The following GAS2L3 variants were observed in gnomAD, a reference collection of about 807,000 sequenced individuals.
The protein encoded by GAS2L3 is GAS2-like protein 3.
GAS2L3 carries 28 observed loss-of-function variants against 37.0 expected under a neutral mutation model. That is an observed-to-expected ratio of 0.76 (90% CI 0.56 to 1.04). The LOEUF is 1.04. GAS2L3 is among the 50% of genes least tolerant of loss of function. GAS2L3 has a pLI of 0.00. For missense variants in GAS2L3, 793 were observed against 817.6 expected (o/e 0.97, Z 0.37); for synonymous variants, 290 against 296.6 (o/e 0.98, Z 0.23).
intron 5 of GAS2L3, among the ~76,000 whole-genome samples, chr12:100,606,468 G>A (rs762962847): frequency 6.6e-6 from 1 of 151,924 alleles, no homozygotes; most frequent in Non-Finnish European, 1.5e-5. Flanking sequence ...TTTTTGATTG[G>A]AGAATTTACT....
chr12:100,622,458 G>T lies in GAS2L3; in HGVS notation c.756+76G>T, dbSNP rs1956267671. The stretch of plus-strand genomic sequence containing the variant: ...GGATTTATTGCTTTACTAACCTTTT[G>T]CTCTCCTTTTACTTTTAAAAACATT... On this transcript the variant is annotated intron_variant, in intron 9 of 9. Transcript: ENST00000547754. 7.0e-6 allele frequency: 5 copies of T among 717,990 alleles called. No homozygotes were observed. In the East Asian group the frequency reaches 1.1e-4, roughly 15 times the overall value. 44.5% of individuals were successfully genotyped at this position (717,990 alleles called of 1,614,324 possible).
Position 100,617,819 on chromosome 12 carries a change from A to G in GAS2L3, c.509+12A>G. The G allele has an allele frequency of 6.7e-7, 1 of 1,488,174 alleles. No individual in the cohort carries two copies. Among genetic ancestry groups the G allele is most frequent in the African/African-American group, 1.4e-5 (1 of 72,468 alleles). 92.2% of individuals were successfully genotyped at this position (1,488,174 alleles called of 1,614,324 possible). A position where few individuals can be genotyped will look rare whatever the true frequency, so the allele number is the denominator to read the frequency against. On this transcript the variant is annotated intron_variant, in intron 7 of 9. Transcript: ENST00000547754. Reference sequence around the variant, plus strand: ...CGAATTGTGTCAAGGTATGTATTCCACAATATTTCAGAATTTCAATGTTAT... The same window carrying G: ...CGAATTGTGTCAAGGTATGTATTCCGCAATATTTCAGAATTTCAATGTTAT...
At position 100,577,636 on chromosome 12, in the gene GAS2L3, ACT is replaced by A. The variant is rs1955654126; in HGVS notation, c.-152+3854_-152+3855del. ...AGGAGTAATTCTAGTACTAATTTTAACTCTGATTTCATAGTGACATAGAAGAA... is the reference window on the plus strand; with the variant it reads ...AGGAGTAATTCTAGTACTAATTTTAACTGATTTCATAGTGACATAGAAGAA... On this transcript the variant is annotated intron_variant, in intron 1 of 9. Coordinates refer to ENST00000547754, the MANE Select transcript of GAS2L3 (RefSeq NM_174942.3). 2.0e-5 allele frequency among the ~76,000 whole-genome samples: 3 copies of A among 152,208 alleles called. No homozygotes were observed. In the South Asian group the frequency reaches 6.2e-4, roughly 32 times the overall value.
At chr12:100,574,017 C>T (rs553725814) in intron 1 of GAS2L3, 2 of 152,456 alleles carry the variant, frequency 1.3e-5, no homozygotes, top group African/African-American at 4.8e-5. Context: ...TTGCGCCTGC[C>T]TTCACCTGTC....
chr12:100,618,608 C>T, intron 8 of GAS2L3, 21 bp downstream of exon 8: 1 of 1,596,002 alleles, frequency 6.3e-7, no homozygotes, highest in Non-Finnish European at 8.5e-7. Flanking sequence ...GCCACACTTT[C>T]TTTTGACCAT....
intron 1 of GAS2L3, chr12:100,578,923 G>C: frequency 1.1e-6 from 1 of 910,046 alleles, no homozygotes. Flanking sequence ...CTCAGTGCCT[G>C]ATTGGAAGAG....
chr12:100,621,270 A>G (rs545664015), intron 8 of GAS2L3, among the ~76,000 whole-genome samples: 230 of 152,196 alleles, frequency 1.5e-3, no homozygotes, highest in African/African-American at 5.4e-3. Flanking sequence ...CAAAAATGTA[A>G]TTTTAGGAAA....
intron 1 of GAS2L3, chr12:100,580,191 C>A: frequency 1.4e-6 from 1 of 706,552 alleles, no homozygotes; most frequent in Non-Finnish European, 2.6e-6. Context: ...TATCTAAAAC[C>A]AGGTAGAAGA....
In GAS2L3 at chr12:100,627,088, CAAAAA is replaced by C. The variant is rs566899740; in HGVS notation, c.*2209_*2213del. On this transcript the variant is annotated 3_prime_UTR_variant, in exon 10 of 10. Coordinates refer to ENST00000547754, the MANE Select transcript of GAS2L3 (RefSeq NM_174942.3). ...TGGGCAACAGAGTGAGACTCTGTCTCAAAAAAAAAAAAAAAGAAAAAGAAAAGAAA... is the reference window on the plus strand; with the variant it reads ...TGGGCAACAGAGTGAGACTCTGTCTCAAAAAAAAAAGAAAAAGAAAAGAAA... 1.2e-5 allele frequency among the ~76,000 whole-genome samples: 1 copy of C among 81,608 alleles called. No individual in the cohort carries two copies. The highest frequency in any genetic ancestry group is 2.6e-5 in the Non-Finnish European group (1 of 38,264). 53.5% of individuals were successfully genotyped at this position (81,608 alleles called of 152,430 possible). A position where few individuals can be genotyped will look rare whatever the true frequency, so the allele number is the denominator to read the frequency against.
At chr12:100,614,837 G>T (rs568655960) in intron 6 of GAS2L3, among the ~76,000 whole-genome samples, 1 of 152,318 alleles carries the variant, frequency 6.6e-6, no homozygotes, top group East Asian at 1.9e-4. Flanking sequence ...GTTGTAGCAT[G>T]TAACAGTACT....
At position 100,617,795 on chromosome 12, in the gene GAS2L3, G is replaced by A. The variant is rs769519509; in HGVS notation, c.497G>A (p.Arg166Gln). The A allele has an allele frequency of 6.3e-6, 10 of 1,594,180 alleles. No individual in the cohort carries two copies. The highest frequency in any genetic ancestry group is 2.2e-5 in the East Asian group (1 of 44,626). ...TATCTTTGTCTTCTTGAAATTGGTC[G>A]AATTGTGTCAAGGTATGTATTCCAC... ...QVYLCLLEIG[R>Q]IVSRYGVEPP... Residue 166 changes from arginine to glutamine, a missense_variant, in exon 7 of 10, where the codon CGA becomes CAA. Coordinates refer to ENST00000547754, the MANE Select transcript of GAS2L3 (RefSeq NM_174942.3).
chr12:100,622,749 TAAAAAAAAAAAAAAAAAAAA>T, intron 9 of GAS2L3, among the ~76,000 whole-genome samples: 2 of 26,840 alleles, frequency 7.5e-5, no homozygotes, highest in South Asian at 2.9e-3. Flanking sequence ...GTATCCATAG[TAAAAAAAAAAAAAAAAAAAA>T]AAAAAAAAAA....
intron 1 of GAS2L3, 100 bp downstream of exon 1, chr12:100,573,885 T>C (rs1955601949): frequency 6.6e-6 from 1 of 152,266 alleles, no homozygotes; most frequent in African/African-American, 2.4e-5. Context: ...AGCCCCCCGC[T>C]CTCTGAGGCC....
intron 5 of GAS2L3, among the ~76,000 whole-genome samples, chr12:100,607,605 C>T (rs1395783902): frequency 6.6e-6 from 1 of 151,886 alleles, no homozygotes; most frequent in Non-Finnish European, 1.5e-5. Context: ...AGGTGTGCTT[C>T]GTTGTTTTTT....
chr12:100,588,864 T>C (rs1012999207), intron 1 of GAS2L3, among the ~76,000 whole-genome samples: 3 of 152,208 alleles, frequency 2.0e-5, no homozygotes, highest in African/African-American at 7.2e-5. Context: ...AAGAAAAATA[T>C]GGCTCTTTTT....
At chr12:100,614,842 A>G (rs1215635706) in intron 6 of GAS2L3, among the ~76,000 whole-genome samples, 1 of 152,236 alleles carries the variant, frequency 6.6e-6, no homozygotes, top group Non-Finnish European at 1.5e-5. Context: ...AGCATGTAAC[A>G]GTACTTAATT....
intron 1 of GAS2L3, among the ~76,000 whole-genome samples, chr12:100,576,411 A>G (rs1327970848): frequency 6.6e-6 from 1 of 152,120 alleles, no homozygotes; most frequent in African/African-American, 2.4e-5. Context: ...TAACGTGTGT[A>G]TTTTACTTCT....
Position 100,601,655 on chromosome 12 carries a change from G to C in GAS2L3, c.205G>C (p.Glu69Gln). The change falls in exon 5 of 10, where the codon GAA (glutamate) becomes CAA (glutamine). Residue 69 changes from glutamate to glutamine, a missense_variant. By Grantham distance (29) the Glu-to-Gln change is conservative (BLOSUM62 2). Coordinates refer to ENST00000547754, the MANE Select transcript of GAS2L3 (RefSeq NM_174942.3). ...SGLLGIKVKAEKLLEELDNGV... is the reference protein window; with the variant it reads ...SGLLGIKVKAQKLLEELDNGV... ...GTTTTTAGGTATTAAAGTTAAGGCA[G>C]AAAAATTATTGGAAGAACTTGATAA... 1 of 1,555,646 alleles carries C rather than the reference G, an allele frequency of 6.4e-7. No homozygotes were observed. Among genetic ancestry groups the C allele is most frequent in the South Asian group, 1.1e-5 (1 of 88,954 alleles).
intron 2 of GAS2L3, among the ~76,000 whole-genome samples, chr12:100,594,288 GAATA>G: frequency 6.6e-6 from 1 of 151,984 alleles, no homozygotes; most frequent in East Asian, 1.9e-4. Flanking sequence ...TAGATTTCAA[GAATA>G]CTACTTTGGA....
Sources: gnomAD v4.1 joint callset for allele counts (sites outside exome capture counted in the v4.1 genomes callset) on GRCh38, gnomAD v4.1.1 for gene constraint, MANE v1.5 for transcripts, NCBI Gene and HGNC (gene_info 2026-07-23, HGNC 2026-07-21) for gene names.